The following ZDHHC14 variants were observed in gnomAD, a reference collection of about 807,000 sequenced individuals.
ZDHHC14 encodes the protein palmitoyltransferase ZDHHC14.
In ZDHHC14, 16 loss-of-function variants were observed where a neutral mutation model predicts 47.7. The ratio of observed to expected loss-of-function variants is 0.34; its 90% confidence interval spans 0.23 to 0.51. ZDHHC14 has a LOEUF of 0.51. Among genes scored for constraint, ZDHHC14 ranks in the 20% least tolerant of loss-of-function variants. The pLI, the probability that ZDHHC14 is intolerant of heterozygous loss-of-function variation, is 0.97. For synonymous variants in ZDHHC14, 293 were observed against 278.9 expected (o/e 1.05, Z -0.50); for missense variants, 515 against 662.5 (o/e 0.78, Z 2.44).
intron 3 of ZDHHC14, among the ~76,000 whole-genome samples, chr6:157,600,264 C>T (rs1373782679): frequency 6.6e-6 from 1 of 152,042 alleles, no homozygotes; most frequent in Non-Finnish European, 1.5e-5. Flanking sequence ...ACTTAATCTA[C>T]CAGTATAATA....
In ZDHHC14 at chr6:157,675,341, C is replaced by A. The variant is rs1778953354; in HGVS notation, c.*2219C>A. ...TCTTCCCACCTCACTGTGAAAAATT[C>A]CCAGAAGCCAGGATCACGACTCACT... On this transcript the variant is annotated 3_prime_UTR_variant, in exon 9 of 9. Coordinates refer to ENST00000359775, the MANE Select transcript of ZDHHC14 (RefSeq NM_024630.3). The A allele has an allele frequency of 6.6e-6, 1 of 152,196 alleles. No individual in the cohort carries two copies. The highest frequency in any genetic ancestry group is 1.5e-5 in the Non-Finnish European group (1 of 68,038). 9.4% of individuals were successfully genotyped at this position (152,196 alleles called of 1,614,324 possible). A position where few individuals can be genotyped will look rare whatever the true frequency, so the allele number is the denominator to read the frequency against.
At chr6:157,589,513 T>G (rs1226680357) in intron 2 of ZDHHC14, among the ~76,000 whole-genome samples, 2 of 152,108 alleles carry the variant, frequency 1.3e-5, no homozygotes, top group Admixed American at 6.5e-5. Flanking sequence ...ATGGGGGTGG[T>G]TACCTCCATG....
chr6:157,457,758 T>C (rs890145737), intron 1 of ZDHHC14, among the ~76,000 whole-genome samples: 2 of 152,220 alleles, frequency 1.3e-5, no homozygotes, highest in African/African-American at 4.8e-5. Flanking sequence ...CTGGTTTTAC[T>C]GTTTCTGAGT....
chr6:157,529,312 T>C (rs139228994), intron 1 of ZDHHC14: 1,611 of 154,072 alleles, frequency 0.01, 18 homozygotes, highest in Non-Finnish European at 0.018. Context: ...TGAAAGTTTA[T>C]GTTTTAGCAT....
intron 1 of ZDHHC14, among the ~76,000 whole-genome samples, chr6:157,455,347 G>A (rs1055906147): frequency 5.3e-5 from 8 of 152,232 alleles, no homozygotes; most frequent in Non-Finnish European, 7.3e-5. Flanking sequence ...AAGCACTCAG[G>A]AACTGAGAAA....
At chr6:157,651,028 G>A (rs536159217) in intron 7 of ZDHHC14, among the ~76,000 whole-genome samples, 2 of 152,320 alleles carry the variant, frequency 1.3e-5, no homozygotes, top group South Asian at 2.1e-4. Flanking sequence ...TGGGCCCGCG[G>A]CCATGAGCCG....
intron 1 of ZDHHC14, among the ~76,000 whole-genome samples, chr6:157,421,364 C>T (rs1022090539): frequency 1.3e-5 from 2 of 151,406 alleles, no homozygotes; most frequent in Admixed American, 6.6e-5. Context: ...TGGTGGCGGT[C>T]GCCTGTAGTC....
intron 1 of ZDHHC14, among the ~76,000 whole-genome samples, chr6:157,412,355 C>G (rs766098899): frequency 6.7e-6 from 1 of 150,004 alleles, no homozygotes; most frequent in African/African-American, 2.5e-5. Context: ...TGCAGTGGTG[C>G]GATCTTGGCT....
At chr6:157,522,294 C>T (rs1298467386) in intron 1 of ZDHHC14, among the ~76,000 whole-genome samples, 1 of 152,186 alleles carries the variant, frequency 6.6e-6, no homozygotes, top group South Asian at 2.1e-4. Flanking sequence ...AAATGGCTTT[C>T]ACAACTAAAA....
intron 1 of ZDHHC14, among the ~76,000 whole-genome samples, chr6:157,386,630 G>A (rs897223335): frequency 1.3e-5 from 2 of 152,204 alleles, no homozygotes; most frequent in African/African-American, 4.8e-5. Context: ...TTTATGCACT[G>A]TGTGGAGTAC....
chr6:157,542,568 G>C lies in ZDHHC14; in HGVS notation c.246-17G>C, dbSNP rs780591245. 1.9e-6 allele frequency: 3 copies of C among 1,613,264 alleles called. No individual in the cohort carries two copies. The highest frequency in any genetic ancestry group is 2.5e-6 in the Non-Finnish European group (3 of 1,179,542). Reference sequence around the variant, plus strand: ...TTTCTTTTCCCCTTCTCTCCGGTCTGTCCAACCTGTCGGCAGCTGTCCGTA... The same window carrying C: ...TTTCTTTTCCCCTTCTCTCCGGTCTCTCCAACCTGTCGGCAGCTGTCCGTA... On this transcript the variant is annotated splice_polypyrimidine_tract_variant and intron_variant, in intron 1 of 8. Coordinates refer to ENST00000359775, the MANE Select transcript of ZDHHC14 (RefSeq NM_024630.3).
intron 3 of ZDHHC14, among the ~76,000 whole-genome samples, chr6:157,599,713 C>G (rs1784270067): frequency 1.3e-5 from 2 of 152,232 alleles, no homozygotes; most frequent in South Asian, 4.1e-4. Context: ...AGCAAATAAA[C>G]TTAAGGGAAA....
intron 3 of ZDHHC14, among the ~76,000 whole-genome samples, chr6:157,596,452 A>G (rs1218033097): frequency 1.3e-5 from 2 of 152,296 alleles, no homozygotes; most frequent in African/African-American, 2.4e-5. Context: ...GAGAGGAAAA[A>G]TGCAGCTTCC....
intron 1 of ZDHHC14, among the ~76,000 whole-genome samples, chr6:157,455,190 C>T (rs531865252): frequency 6.6e-6 from 1 of 152,314 alleles, no homozygotes; most frequent in African/African-American, 2.4e-5. Flanking sequence ...TGAAGCATTT[C>T]CCAGTCTGCA....
chr6:157,398,734 T>C (rs1218253364), intron 1 of ZDHHC14, among the ~76,000 whole-genome samples: 1 of 152,272 alleles, frequency 6.6e-6, no homozygotes, highest in Admixed American at 6.5e-5. Flanking sequence ...TTTCTTATTT[T>C]GTAATACATT....
At chr6:157,601,848 A>G (rs1168063743) in intron 3 of ZDHHC14, among the ~76,000 whole-genome samples, 1 of 152,220 alleles carries the variant, frequency 6.6e-6, no homozygotes, top group Non-Finnish European at 1.5e-5. Flanking sequence ...CAAAGTGACC[A>G]TTAAAATGCA....
chr6:157,384,251 T>TC (rs1777269788), intron 1 of ZDHHC14, among the ~76,000 whole-genome samples: 1 of 152,226 alleles, frequency 6.6e-6, no homozygotes, highest in Admixed American at 6.5e-5. Context: ...TATACCCAAG[T>TC]CCCCACTGTA....
At chr6:157,466,807 G>A (rs971595436) in intron 1 of ZDHHC14, among the ~76,000 whole-genome samples, 1 of 152,078 alleles carries the variant, frequency 6.6e-6, no homozygotes. Context: ...CTGCACTACA[G>A]TCTGGGCGAC....
chr6:157,502,193 G>A lies in ZDHHC14; in HGVS notation c.246-40392G>A, dbSNP rs886872932. Among the ~76,000 whole-genome samples the A allele has an allele frequency of 6.6e-6, 1 of 152,206 alleles. No individual in the cohort carries two copies. The highest frequency in any genetic ancestry group is 2.4e-5 in the African/African-American group (1 of 41,444). On this transcript the variant is annotated intron_variant, in intron 1 of 8. Coordinates refer to ENST00000359775, the MANE Select transcript of ZDHHC14 (RefSeq NM_024630.3). This position sits in a 1 kb window ranked among gnomAD's most constrained non-coding sequence, Gnocchi z 4.0. ...GGTCACATCTGGTGGAAAGGAGGCTGCAAAGTACAGGACAGCATAACACCT... is the reference window on the plus strand; with the variant it reads ...GGTCACATCTGGTGGAAAGGAGGCTACAAAGTACAGGACAGCATAACACCT...
Sources: gnomAD v4.1 joint callset for allele counts (sites outside exome capture counted in the v4.1 genomes callset) on GRCh38, gnomAD v4.1.1 for gene constraint, Gnocchi (gnomAD v3.1) non-coding constraint, MANE v1.5 for transcripts, NCBI Gene and HGNC (gene_info 2026-07-23, HGNC 2026-07-21) for gene names.